ANO3: variants seen among roughly 807,000 people sequenced by gnomAD.
The protein encoded by ANO3 is anoctamin 3.
ANO3 carries 99 observed loss-of-function variants against 144.8 expected under a neutral mutation model. That is an observed-to-expected ratio of 0.68 (90% CI 0.58 to 0.81). ANO3 has a LOEUF of 0.81. Among genes scored for constraint, ANO3 ranks in the 30% least tolerant of loss-of-function variants. The pLI is 0.00. For synonymous variants in ANO3, 414 were observed against 392.6 expected (o/e 1.05, Z -0.64); for missense variants, 905 against 1,202.2 (o/e 0.75, Z 3.66).
intron 18 of ANO3, among the ~76,000 whole-genome samples, chr11:26,633,793 TGGCAA>T (rs978925461): frequency 9.9e-5 from 15 of 152,050 alleles, no homozygotes; most frequent in Non-Finnish European, 2.1e-4. Context: ...CTAAAAAACT[TGGCAA>T]GGCATGGTGG....
chr11:26,194,442 G>GTGTGTGTGTGTA (rs1554920703), intron 1 of ANO3, among the ~76,000 whole-genome samples: 68 of 51,274 alleles, frequency 1.3e-3, no homozygotes, highest in African/African-American at 3.2e-3. Flanking sequence ...ACATAGTGGT[G>GTGTGTGTGTGTA]TGTGTGTGTG....
At chr11:26,468,070 CTA>C (rs527932508) in intron 4 of ANO3, among the ~76,000 whole-genome samples, 14 of 152,000 alleles carry the variant, frequency 9.2e-5, no homozygotes, top group African/African-American at 2.9e-4. Flanking sequence ...ATCCTCAAAA[CTA>C]GAATCCCTCT....
rs765344258 is a variant in ANO3, at chr11:26,599,645, A to G, written c.1767A>G (p.Gln589=). ...CATTCAAGTGGAATTTCATCAAACA[A>G]TACTGGCAGTTTGCAACATCTGCTG... is the stretch of plus-strand genomic sequence containing the variant. ...FASFKWNFIK[Q]YWQFATSAAA... The change falls in exon 17 of 27, where the codon CAA becomes CAG. Residue 589 remains glutamine, a synonymous_variant. Coordinates refer to ENST00000256737, the MANE Select transcript of ANO3 (RefSeq NM_031418.4). 24 of 1,614,158 alleles carry G rather than the reference A, an allele frequency of 1.5e-5. No individual in the cohort carries two copies. The highest frequency in any genetic ancestry group is 1.4e-4 in the South Asian group (13 of 91,088).
At chr11:26,316,190 C>T (rs1229640729) in intron 1 of ANO3, among the ~76,000 whole-genome samples, 1 of 152,032 alleles carries the variant, frequency 6.6e-6, no homozygotes, top group Non-Finnish European at 1.5e-5. Flanking sequence ...ATCTGCAGGT[C>T]GAGAAATAAA....
At chr11:26,324,444 T>C (rs1214858600) in intron 1 of ANO3, among the ~76,000 whole-genome samples, 1 of 152,104 alleles carries the variant, frequency 6.6e-6, no homozygotes, top group Non-Finnish European at 1.5e-5. Context: ...ATCACAACAT[T>C]TAAGGAAATG....
At chr11:26,645,727 A>G (rs1003992251) in intron 23 of ANO3, among the ~76,000 whole-genome samples, 2 of 152,142 alleles carry the variant, frequency 1.3e-5, no homozygotes, top group African/African-American at 4.8e-5. Flanking sequence ...GAGGGAGAGC[A>G]TCAGGAAAAA....
At chr11:26,372,289 A>G (rs1041856224) in intron 1 of ANO3, among the ~76,000 whole-genome samples, 1 of 152,160 alleles carries the variant, frequency 6.6e-6, no homozygotes, top group African/African-American at 2.4e-5. Context: ...CCCTTCTGCC[A>G]TGAGTGTAAG....
intron 1 of ANO3, among the ~76,000 whole-genome samples, chr11:26,400,739 A>G (rs971960370): frequency 6.6e-6 from 1 of 151,670 alleles, no homozygotes; most frequent in African/African-American, 2.4e-5. Context: ...TATATATTAA[A>G]CAATTAAAGA....
At chr11:26,203,211 A>G (rs1851731566) in intron 1 of ANO3, among the ~76,000 whole-genome samples, 1 of 152,156 alleles carries the variant, frequency 6.6e-6, no homozygotes, top group Admixed American at 6.6e-5. Flanking sequence ...TATTTTGCCA[A>G]TCACATTCAA....
chr11:26,375,338 C>T (rs1462721620), intron 1 of ANO3, among the ~76,000 whole-genome samples: 2 of 152,162 alleles, frequency 1.3e-5, no homozygotes, highest in African/African-American at 4.8e-5. Context: ...TGCCCGGTTC[C>T]TAACAGACCA....
At chr11:26,399,329 C>T (rs1489006111) in intron 1 of ANO3, among the ~76,000 whole-genome samples, 1 of 151,862 alleles carries the variant, frequency 6.6e-6, no homozygotes, top group Admixed American at 6.6e-5. Flanking sequence ...GATAAAGTAC[C>T]TTTGCCAGAA....
At chr11:26,223,743 CT>C (rs1237713609) in intron 1 of ANO3, among the ~76,000 whole-genome samples, 1 of 151,140 alleles carries the variant, frequency 6.6e-6, no homozygotes, top group Non-Finnish European at 1.5e-5. Flanking sequence ...GTCGTTTTTA[CT>C]CATGGCACAA....
chr11:26,521,986 C>T (rs1862096767), intron 6 of ANO3, among the ~76,000 whole-genome samples: 1 of 152,122 alleles, frequency 6.6e-6, no homozygotes, highest in South Asian at 2.1e-4. Flanking sequence ...AGATGGAGAC[C>T]ATCCTGGCTA....
intron 6 of ANO3, among the ~76,000 whole-genome samples, chr11:26,524,731 T>C (rs566228100): frequency 6.6e-6 from 1 of 152,324 alleles, no homozygotes; most frequent in African/African-American, 2.4e-5. Flanking sequence ...ATCTTCCCCT[T>C]GCTTTTCATC....
chr11:26,322,221 T>G (rs1854776518), intron 1 of ANO3, among the ~76,000 whole-genome samples: 1 of 152,234 alleles, frequency 6.6e-6, no homozygotes, highest in South Asian at 2.1e-4. Context: ...ACTAATATAC[T>G]CATTTTTAAG....
chr11:26,196,239 C>T (rs1291296634), intron 1 of ANO3, among the ~76,000 whole-genome samples: 3 of 152,122 alleles, frequency 2.0e-5, no homozygotes, highest in African/African-American at 7.2e-5. Flanking sequence ...GTCAGTCTAA[C>T]CATCTTTAGT....
chr11:26,262,739 C>CACACACACACACAG (rs1177111571), intron 1 of ANO3, among the ~76,000 whole-genome samples: 1 of 148,784 alleles, frequency 6.7e-6, no homozygotes, highest in African/African-American at 2.5e-5. Flanking sequence ...CACACACACA[C>CACACACACACACAG]AGAGAGAGAG....
intron 18 of ANO3, among the ~76,000 whole-genome samples, chr11:26,633,030 T>A (rs1852836211): frequency 1.3e-5 from 2 of 152,220 alleles, no homozygotes; most frequent in Admixed American, 1.3e-4. Flanking sequence ...TTTTGGCAAC[T>A]ACCGCCTTTG....
chr11:26,299,317 G>A (rs1854164291), intron 1 of ANO3, among the ~76,000 whole-genome samples: 1 of 152,004 alleles, frequency 6.6e-6, no homozygotes, highest in Admixed American at 6.6e-5. Flanking sequence ...AGAAGCTGAA[G>A]GTTAAGAATT....
Sources: gnomAD v4.1 joint callset for allele counts (sites outside exome capture counted in the v4.1 genomes callset) on GRCh38, gnomAD v4.1.1 for gene constraint, MANE v1.5 for transcripts, NCBI Gene and HGNC (gene_info 2026-07-23, HGNC 2026-07-21) for gene names.